The following RANBP2 variants were observed in gnomAD, a reference collection of about 807,000 sequenced individuals.
RANBP2 encodes the protein E3 SUMO-protein ligase RanBP2.
A neutral mutation model predicts 303.6 loss-of-function variants in RANBP2; 57 were observed. That is an observed-to-expected ratio of 0.19 (90% CI 0.15 to 0.23). The LOEUF (loss-of-function observed/expected upper bound fraction) is 0.23, where lower values mean the gene tolerates loss of function less well. Ranked by LOEUF, RANBP2 falls within the 10% of genes least tolerant of loss-of-function variation. The pLI, the probability that RANBP2 is intolerant of heterozygous loss-of-function variation, is 1.00. For synonymous variants in RANBP2, 1,167 were observed against 1,301.5 expected (o/e 0.90, Z 2.23); for missense variants, 3,138 against 3,780.8 (o/e 0.83, Z 4.46).
chr2:109,277,612 G>A, the RANBP2 span, among the ~76,000 whole-genome samples: 1 of 152,148 alleles, frequency 6.6e-6, no homozygotes, highest in Admixed American at 6.5e-5. Flanking sequence ...CTCCGCGTGC[G>A]TAGCTCAGAA....
At chr2:108,918,503 G>A in the RANBP2 span, among the ~76,000 whole-genome samples, 41 of 152,314 alleles carry the variant, frequency 2.7e-4, no homozygotes, top group African/African-American at 8.7e-4. Context: ...AGCAAGGCTG[G>A]GGTGTTTGAT....
the RANBP2 span, among the ~76,000 whole-genome samples, chr2:109,103,566 T>C: frequency 6.6e-6 from 1 of 152,114 alleles, no homozygotes; most frequent in African/African-American, 2.4e-5. Context: ...AGAGTTGAAG[T>C]CAGCAGAAAG....
chr2:109,159,590 A>G, the RANBP2 span, among the ~76,000 whole-genome samples: 1 of 152,224 alleles, frequency 6.6e-6, no homozygotes, highest in Non-Finnish European at 1.5e-5. Context: ...GGGGTACCCA[A>G]TCCCTGGGCC....
At chr2:109,730,776 CTTTTTTTTT>C in the RANBP2 span, among the ~76,000 whole-genome samples, 930 of 79,398 alleles carry the variant, frequency 0.012, 8 homozygotes, top group African/African-American at 0.017. Context: ...CTCTCTCTCT[CTTTTTTTTT>C]TTTTTTTTTT....
chr2:109,481,141 G>A, the RANBP2 span, among the ~76,000 whole-genome samples: 1 of 152,230 alleles, frequency 6.6e-6, no homozygotes, highest in Non-Finnish European at 1.5e-5. Context: ...CCTAAGACGT[G>A]TCAAGAAATC....
the RANBP2 span, among the ~76,000 whole-genome samples, chr2:109,198,932 A>G: frequency 1.3e-5 from 2 of 152,230 alleles, no homozygotes; most frequent in Non-Finnish European, 2.9e-5. Flanking sequence ...AAGGTACAGT[A>G]AAAATACAGT....
rs1367464715 is a variant in RANBP2, at chr2:108,766,558, G to T, written c.6019G>T (p.Asp2007Tyr). The T allele has an allele frequency of 6.2e-7, 1 of 1,611,946 alleles. No individual in the cohort carries two copies. The highest frequency in any genetic ancestry group is 8.5e-7 in the Non-Finnish European group (1 of 1,179,840). ...EKDDDAYKTE[D>Y]SDDIHFEPVV... is the part of the protein sequence containing the mutation. ...AGATGATGATGCCTATAAGACTGAG[G>T]ACAGCGATGACATCCATTTTGAACC... Residue 2007 changes from aspartate (D) to tyrosine (Y), a missense_variant, in exon 20 of 29, where the codon GAC (aspartate) becomes TAC (tyrosine). Asp to Tyr is a radical substitution (Grantham distance 160). Coordinates refer to ENST00000283195, the MANE Select transcript of RANBP2 (RefSeq NM_006267.5).
the RANBP2 span, among the ~76,000 whole-genome samples, chr2:109,074,302 A>G: frequency 1.8e-3 from 277 of 150,650 alleles, 1 homozygote; most frequent in African/African-American, 6.2e-3. Flanking sequence ...TGGGAGGCAG[A>G]GGTTGCAGTG....
chr2:109,565,632 A>C, the RANBP2 span: 1 of 804,876 alleles, frequency 1.2e-6, no homozygotes. Flanking sequence ...ACTTTGGCTA[A>C]AATAGTACAC....
chr2:109,356,806 G>C, the RANBP2 span, among the ~76,000 whole-genome samples: 8 of 152,120 alleles, frequency 5.3e-5, no homozygotes, highest in Non-Finnish European at 8.8e-5. Flanking sequence ...CTGGGTGACT[G>C]AAAATAAGCC....
the RANBP2 span, among the ~76,000 whole-genome samples, chr2:109,728,698 C>T: frequency 6.6e-6 from 1 of 150,944 alleles, no homozygotes. Context: ...TATGATCCAC[C>T]TGCCTTGGCC....
At chr2:109,244,337 G>A in the RANBP2 span, among the ~76,000 whole-genome samples, 2 of 152,112 alleles carry the variant, frequency 1.3e-5, no homozygotes, top group African/African-American at 4.8e-5. Context: ...GGTGAGAAAA[G>A]TGACACAGAG....
chr2:109,080,348 C>A, the RANBP2 span, among the ~76,000 whole-genome samples: 1 of 152,044 alleles, frequency 6.6e-6, no homozygotes, highest in Non-Finnish European at 1.5e-5. Context: ...CAGGAGCCTG[C>A]CATAAGCGTG....
chr2:109,710,965 G>A, the RANBP2 span, among the ~76,000 whole-genome samples: 2 of 151,998 alleles, frequency 1.3e-5, no homozygotes, highest in Non-Finnish European at 2.9e-5. Context: ...AGGTGGAGAT[G>A]CCTGTACCCT....
the RANBP2 span, among the ~76,000 whole-genome samples, chr2:109,078,734 G>A: frequency 1.4e-5 from 2 of 141,992 alleles, no homozygotes; most frequent in Non-Finnish European, 3.2e-5. Context: ...TGTAATCCCA[G>A]CACTTTGGGA....
the RANBP2 span, among the ~76,000 whole-genome samples, chr2:109,049,027 C>T: frequency 5.3e-5 from 8 of 152,292 alleles, no homozygotes; most frequent in East Asian, 1.5e-3. Flanking sequence ...TAAATGTGCT[C>T]TTTGTGAATA....
the RANBP2 span, among the ~76,000 whole-genome samples, chr2:109,311,888 T>TA: frequency 6.6e-6 from 1 of 152,210 alleles, no homozygotes; most frequent in Non-Finnish European, 1.5e-5. Flanking sequence ...CTCGTTTTCT[T>TA]ACATCCACAT....
At chr2:109,285,972 G>A in the RANBP2 span, among the ~76,000 whole-genome samples, 1 of 152,190 alleles carries the variant, frequency 6.6e-6, no homozygotes, top group Non-Finnish European at 1.5e-5. Context: ...TCCATGGCCT[G>A]CAGGACAGTT....
At chr2:108,955,846 G>A in the RANBP2 span, among the ~76,000 whole-genome samples, 7,466 of 152,218 alleles carry the variant, frequency 0.049, 281 homozygotes, top group Non-Finnish European at 0.073. Context: ...CTAACACGGC[G>A]AAATACTGTC....
Sources: gnomAD v4.1 joint callset for allele counts (sites outside exome capture counted in the v4.1 genomes callset) on GRCh38, gnomAD v4.1.1 for gene constraint, MANE v1.5 for transcripts, NCBI Gene and HGNC (gene_info 2026-07-23, HGNC 2026-07-21) for gene names.